Variants in PIK3C3 observed in about 807,000 individuals in gnomAD.
The protein encoded by PIK3C3 is phosphatidylinositol 3-kinase catalytic subunit type 3.
In PIK3C3, 95 loss-of-function variants were observed where a neutral mutation model predicts 126.1. The ratio of observed to expected loss-of-function variants is 0.75; its 90% confidence interval spans 0.64 to 0.89. PIK3C3 has a LOEUF of 0.89. Ranked by LOEUF, PIK3C3 falls within the 40% of genes least tolerant of loss-of-function variation. The pLI, the probability that PIK3C3 is intolerant of heterozygous loss-of-function variation, is 0.00. For synonymous variants in PIK3C3, 374 were observed against 360.0 expected (o/e 1.04, Z -0.44); for missense variants, 829 against 1,063.2 (o/e 0.78, Z 3.06).
chr18:42,031,412 C>G (rs1000029849), intron 15 of PIK3C3, among the ~76,000 whole-genome samples: 10 of 151,976 alleles, frequency 6.6e-5, no homozygotes, highest in African/African-American at 2.4e-4. Flanking sequence ...TAATAAAATG[C>G]CTTTTTCATC....
At chr18:42,006,897 T>C (rs961896518) in intron 10 of PIK3C3, among the ~76,000 whole-genome samples, 7 of 143,260 alleles carry the variant, frequency 4.9e-5, no homozygotes, top group Admixed American at 2.3e-4. Context: ...GGAGTCTTGC[T>C]CTGTCTCCTA....
chr18:41,997,588 TAAAAC>T (rs1025943144), intron 9 of PIK3C3, among the ~76,000 whole-genome samples: 1 of 152,102 alleles, frequency 6.6e-6, no homozygotes, highest in African/African-American at 2.4e-5. Flanking sequence ...TGTAAAATCT[TAAAAC>T]AGAGAGCCAA....
intron 12 of PIK3C3, among the ~76,000 whole-genome samples, chr18:42,016,288 G>A (rs146452747): frequency 1.3e-5 from 2 of 152,066 alleles, no homozygotes; most frequent in African/African-American, 4.8e-5. Flanking sequence ...ATATCTTTCG[G>A]TATAACAAAA....
At chr18:42,072,748 C>T (rs1329531397) in intron 24 of PIK3C3, among the ~76,000 whole-genome samples, 3 of 152,078 alleles carry the variant, frequency 2.0e-5, no homozygotes, top group South Asian at 2.1e-4. Context: ...GTTGCCCAAG[C>T]GGTTCTCAAA....
chr18:42,061,788 G>A (rs1167019897), intron 22 of PIK3C3, among the ~76,000 whole-genome samples: 1 of 152,058 alleles, frequency 6.6e-6, no homozygotes, highest in African/African-American at 2.4e-5. Context: ...ATTTATTTCT[G>A]TTTCCCTTTG....
chr18:42,035,573 T>G (rs1017396806), intron 16 of PIK3C3, among the ~76,000 whole-genome samples: 1 of 152,186 alleles, frequency 6.6e-6, no homozygotes, highest in Non-Finnish European at 1.5e-5. Flanking sequence ...TGGGCATTCT[T>G]AAAAATTTTG....
At chr18:41,978,601 T>C (rs1243133691) in intron 4 of PIK3C3, among the ~76,000 whole-genome samples, 4 of 152,224 alleles carry the variant, frequency 2.6e-5, no homozygotes, top group African/African-American at 9.6e-5. Context: ...TAAAATTTTC[T>C]TTCTTTTGAA....
At chr18:42,011,971 A>G (rs1017972123) in intron 10 of PIK3C3, among the ~76,000 whole-genome samples, 1 of 152,134 alleles carries the variant, frequency 6.6e-6, no homozygotes, top group African/African-American at 2.4e-5. Flanking sequence ...GCCATCCTAT[A>G]TGGGTATGCT....
intron 4 of PIK3C3, among the ~76,000 whole-genome samples, chr18:41,973,903 C>A (rs1336790293): frequency 6.6e-6 from 1 of 152,074 alleles, no homozygotes; most frequent in Admixed American, 6.5e-5. Context: ...TTTCTTGTTG[C>A]AACTTTTATT....
At chr18:41,974,149 G>A (rs927590528) in intron 4 of PIK3C3, among the ~76,000 whole-genome samples, 3 of 152,174 alleles carry the variant, frequency 2.0e-5, no homozygotes, top group Non-Finnish European at 4.4e-5. Flanking sequence ...CAAGAGGACT[G>A]TGAAATGAAG....
At chr18:41,998,155 T>A (rs1196525975) in intron 9 of PIK3C3, among the ~76,000 whole-genome samples, 1 of 152,174 alleles carries the variant, frequency 6.6e-6, no homozygotes, top group African/African-American at 2.4e-5. Context: ...CTTAGGAAAT[T>A]CTTTGTAAAT....
intron 24 of PIK3C3, among the ~76,000 whole-genome samples, chr18:42,078,443 A>G (rs1446049494): frequency 1.3e-5 from 2 of 151,790 alleles, no homozygotes; most frequent in Non-Finnish European, 2.9e-5. Context: ...CAAATATGAT[A>G]TCATCCAAGC....
In PIK3C3 at chr18:42,077,426, T is replaced by C. The variant is rs557578306; in HGVS notation, c.2650-3697T>C. Among the ~76,000 whole-genome samples, 8 of 152,366 alleles carry C rather than the reference T, an allele frequency of 5.3e-5. No individual in the cohort carries two copies. In the East Asian group the frequency reaches 1.5e-3, roughly 29 times the overall value. On this transcript the variant is annotated intron_variant, in intron 24 of 24. Transcript: ENST00000262039. ...GAGTCAACCCTTTCAAAACTTGCTG[T>C]TGCTTTATCAACTAAATTTATGGAA...
intron 4 of PIK3C3, among the ~76,000 whole-genome samples, chr18:41,978,937 A>T (rs1981061217): frequency 6.6e-6 from 1 of 151,992 alleles, no homozygotes; most frequent in African/African-American, 2.4e-5. Context: ...TAGAAGAGTT[A>T]CTAGCTAGGC....
Position 41,990,544 on chromosome 18 carries a change from A to T in PIK3C3, c.704A>T (p.Tyr235Phe). 3 of 1,554,442 alleles carry T rather than the reference A, an allele frequency of 1.9e-6. No individual in the cohort carries two copies. Among genetic ancestry groups the T allele is most frequent in the Non-Finnish European group, 2.7e-6 (3 of 1,126,824 alleles). ...KCDDKEYGIV[Y>F]YEKDGDESSP... Reference sequence around the variant, plus strand: ...GATGATAAGGAATATGGTATTGTTTATTATGAAAAGGTATTTCCCTTGGAA... The same window carrying T: ...GATGATAAGGAATATGGTATTGTTTTTTATGAAAAGGTATTTCCCTTGGAA... The change falls in exon 6 of 25, where the codon TAT (tyrosine) becomes TTT (phenylalanine). Residue 235 changes from tyrosine (Y) to phenylalanine (F), a missense_variant. By Grantham distance (22) the Tyr-to-Phe change is conservative. This residue lies in a region of PIK3C3 where 313 missense variants were observed against 340.7 expected (regional missense o/e 0.92). Coordinates refer to ENST00000262039, the MANE Select transcript of PIK3C3 (RefSeq NM_002647.4).
At position 42,083,719 on chromosome 18, in the gene PIK3C3, TCTC is replaced by T. The variant is rs1986328006; in HGVS notation, c.*2586_*2588del. 6.6e-6 allele frequency: 1 copy of T among 152,208 alleles called. No homozygotes were observed. The highest frequency in any genetic ancestry group is 1.5e-5 in the Non-Finnish European group (1 of 68,042). The allele number at this position is 152,208 out of a possible 1,614,324, so 9.4% of individuals were successfully genotyped here. A position where few individuals can be genotyped will look rare whatever the true frequency, so the allele number is the denominator to read the frequency against. Reference sequence around the variant, plus strand: ...CTCATTATTCTGTGAGATAGAATTGTCTCCTCATTTTTTAGTTGAAATAACTGA... The same window carrying T: ...CTCATTATTCTGTGAGATAGAATTGTCTCATTTTTTAGTTGAAATAACTGA... On this transcript the variant is annotated 3_prime_UTR_variant, in exon 25 of 25. Coordinates refer to ENST00000262039, the MANE Select transcript of PIK3C3 (RefSeq NM_002647.4).
chr18:41,968,089 C>G (rs1377862615), intron 3 of PIK3C3, among the ~76,000 whole-genome samples: 1 of 152,198 alleles, frequency 6.6e-6, no homozygotes, highest in African/African-American at 2.4e-5. Context: ...CACCCATACC[C>G]TCCACGTCCC....
chr18:42,072,788 G>C (rs1004916025), intron 24 of PIK3C3, among the ~76,000 whole-genome samples: 6 of 152,020 alleles, frequency 3.9e-5, no homozygotes, highest in Non-Finnish European at 5.9e-5. Context: ...CTCCTGCCTC[G>C]GCCTTTTGAG....
At chr18:42,038,719 C>A in intron 17 of PIK3C3, 62 bp from the exon 18 acceptor site, 1 of 1,034,548 alleles carries the variant, frequency 9.7e-7, no homozygotes, top group Non-Finnish European at 1.5e-6. Flanking sequence ...ACTATTTGCC[C>A]ACAAAACTGT....
Sources: gnomAD v4.1 joint callset for allele counts (sites outside exome capture counted in the v4.1 genomes callset) on GRCh38, gnomAD v4.1.1 for gene constraint, gnomAD v4.1.1 regional missense constraint, MANE v1.5 for transcripts, NCBI Gene and HGNC (gene_info 2026-07-23, HGNC 2026-07-21) for gene names.